Variants in PRDM15 observed in about 807,000 individuals in gnomAD.
The protein encoded by PRDM15 is PR/SET domain 15.
A neutral mutation model predicts 128.6 loss-of-function variants in PRDM15; 64 were observed. That is an observed-to-expected ratio of 0.50 (90% confidence interval 0.41 to 0.61). The LOEUF is 0.61. Ranked by LOEUF, PRDM15 falls within the 20% of genes least tolerant of loss-of-function variation. The pLI, the probability that PRDM15 is intolerant of heterozygous loss-of-function variation, is 0.00. For synonymous variants in PRDM15, 615 were observed against 621.8 expected (o/e 0.99, Z 0.16); for missense variants, 1,242 against 1,569.1 (o/e 0.79, Z 3.52).
intron 23 of PRDM15, 81 bp downstream of exon 23, chr21:41,802,631 G>A: frequency 1.8e-6 from 2 of 1,135,814 alleles, no homozygotes; most frequent in Non-Finnish European, 2.7e-6. Flanking sequence ...AGTAAAAAGA[G>A]ATGGAGTCAC....
chr21:41,834,730 C>T (rs976633871), intron 11 of PRDM15, among the ~76,000 whole-genome samples: 4 of 152,314 alleles, frequency 2.6e-5, no homozygotes, highest in East Asian at 1.9e-4. Context: ...GGGGCGTCCT[C>T]GGGCCACGTG....
chr21:41,865,890 A>C (rs1225132301), intron 1 of PRDM15, among the ~76,000 whole-genome samples: 1 of 152,088 alleles, frequency 6.6e-6, no homozygotes, highest in Non-Finnish European at 1.5e-5. Context: ...GACTACAGGC[A>C]CGCACCACCA....
chr21:41,852,422 C>T (rs766496089), intron 5 of PRDM15, among the ~76,000 whole-genome samples: 4 of 152,214 alleles, frequency 2.6e-5, no homozygotes, highest in African/African-American at 9.6e-5. Context: ...AGCCCAGCCT[C>T]GCAGGACTTG....
Position 41,828,337 on chromosome 21 carries a change from T to C in PRDM15, c.1367-4A>G. 6.2e-7 allele frequency: 1 copy of C among 1,613,712 alleles called. No homozygotes were observed. Among genetic ancestry groups the C allele is most frequent in the South Asian group, 1.1e-5 (1 of 91,076 alleles). On this transcript the variant is annotated splice_polypyrimidine_tract_variant and splice_region_variant and intron_variant, in intron 11 of 23. Coordinates refer to ENST00000398548, the MANE Select transcript of PRDM15 (RefSeq NM_001040424.3). This position sits in a 1 kb window ranked among gnomAD's most constrained non-coding sequence, Gnocchi z 5.7. Reference sequence around the variant, plus strand: ...TCACATTGGAACGTCTTGTCATCTGTCCAGAGAGCAAACAAACACACAACG... The same window carrying C: ...TCACATTGGAACGTCTTGTCATCTGCCCAGAGAGCAAACAAACACACAACG...
intron 4 of PRDM15, among the ~76,000 whole-genome samples, chr21:41,855,626 G>A (rs1463391024): frequency 6.6e-6 from 1 of 152,162 alleles, no homozygotes; most frequent in African/African-American, 2.4e-5. Context: ...CGCTCTCTCT[G>A]GTGGGCACAG....
At chr21:41,820,563 GAA>G (rs1446616579) in intron 16 of PRDM15, among the ~76,000 whole-genome samples, 1 of 152,236 alleles carries the variant, frequency 6.6e-6, no homozygotes, top group East Asian at 1.9e-4. Flanking sequence ...GCCAAGGAGA[GAA>G]GTGTCAGAGG....
intron 8 of PRDM15, chr21:41,836,988 T>A: frequency 5.7e-6 from 1 of 174,698 alleles, no homozygotes; most frequent in Non-Finnish European, 1.2e-5. Flanking sequence ...TCTTCTCTGT[T>A]TTACATATTA....
rs561755428 is a variant in PRDM15 at position 41,868,031 on chromosome 21, T to C, written c.-9-7659A>G. ...GAGATCCACTGCAGCCTGGGCAACA[T>C]TGTCTCAAAAAAAAAAAAAAAAAGA... is the stretch of plus-strand genomic sequence containing the variant. On this transcript the variant is annotated intron_variant, in intron 1 of 23. Transcript: ENST00000398548. Among the ~76,000 whole-genome samples, 291 of 114,160 alleles carry C rather than the reference T, an allele frequency of 2.5e-3. 4 individuals are homozygous for C. The highest frequency in any genetic ancestry group is 9.2e-3 in the African/African-American group (265 of 28,836). The allele number at this position is 114,160 out of a possible 152,430, so 74.9% of individuals were successfully genotyped here. A position where few individuals can be genotyped will look rare whatever the true frequency, so the allele number is the denominator to read the frequency against.
Position 41,834,618 on chromosome 21 carries a change from G to C in PRDM15, c.1366+819C>G, listed in dbSNP as rs925388341. ...GTGACTCACCCCTCTGTGCCCCGCT[G>C]GGGACCCCCACTGCTTGGGCCTCCA... On this transcript the variant is annotated intron_variant, in intron 11 of 23. Transcript: ENST00000398548. 6.2e-5 allele frequency: 90 copies of C among 1,448,396 alleles called. 1 individual carries two copies. The highest frequency in any genetic ancestry group is 2.6e-4 in the Admixed American group (13 of 50,618). The allele number at this position is 1,448,396 out of a possible 1,614,324, so 89.7% of individuals were successfully genotyped here.
intron 21 of PRDM15, among the ~76,000 whole-genome samples, chr21:41,806,387 A>AC (rs2061627367): frequency 5.4e-5 from 5 of 92,104 alleles, no homozygotes; most frequent in African/African-American, 2.1e-4. Context: ...CATCACCACC[A>AC]CCACCATCAC....
rs188326927 is a variant in PRDM15 at position 41,840,670 on chromosome 21, C to T, written c.641-817G>A. Among the ~76,000 whole-genome samples the T allele has an allele frequency of 4.6e-5, 7 of 151,752 alleles. No homozygotes were observed. In the East Asian group the frequency reaches 7.7e-4, roughly 17 times the overall value. On this transcript the variant is annotated intron_variant, in intron 6 of 23. Coordinates refer to ENST00000398548, the MANE Select transcript of PRDM15 (RefSeq NM_001040424.3). ...AAAATTAAGCAATAAGCCATCAGGG[C>T]GTCAGCAGACACATACACACAAACT...
Position 41,835,426 on chromosome 21 carries a change from G to T in PRDM15, c.1366+11C>A. 1.2e-6 allele frequency: 2 copies of T among 1,602,034 alleles called. No homozygotes were observed. The highest frequency in any genetic ancestry group is 8.5e-7 in the Non-Finnish European group (1 of 1,175,626). On this transcript the variant is annotated intron_variant, in intron 11 of 23. Transcript: ENST00000398548. ...ACAGCGGCCGAGGGGAGACGTGACC[G>T]GCGCCCTCACCTGTCCTGCAGTTGT... is the stretch of plus-strand genomic sequence containing the variant.
intron 1 of PRDM15, among the ~76,000 whole-genome samples, chr21:41,873,132 C>T (rs1468539725): frequency 1.3e-5 from 2 of 152,238 alleles, no homozygotes; most frequent in East Asian, 3.8e-4. Flanking sequence ...ACAGCAGCTG[C>T]ATCCTGGGCC....
At chr21:41,835,984 T>TCTCCTCCCTC (rs2062873111) in intron 10 of PRDM15, 129 bp downstream of exon 10, 1 of 143,920 alleles carries the variant, frequency 6.9e-6, no homozygotes, top group African/African-American at 8.5e-5. Flanking sequence ...CTCTCCTCCC[T>TCTCCTCCCTC]CCCCCACAGC....
intron 8 of PRDM15, chr21:41,837,031 G>A (rs1015038515): frequency 6.4e-6 from 1 of 157,126 alleles, no homozygotes; most frequent in African/African-American, 2.4e-5. Flanking sequence ...TCTTTTCCCT[G>A]TTAAATGTAT....
chr21:41,810,677 A>C lies in PRDM15; in HGVS notation c.2476+76T>G. The C allele has an allele frequency of 8.7e-7, 1 of 1,154,536 alleles. No homozygotes were observed. The highest frequency in any genetic ancestry group is 1.2e-5 in the South Asian group (1 of 81,882). The allele number at this position is 1,154,536 out of a possible 1,614,324, so 71.5% of individuals were successfully genotyped here. ...TCTAGATAATAGAATAGTCGTTTCC[A>C]CCCCAGCAGGCACTCAGACAGCCCC... On this transcript the variant is annotated intron_variant, in intron 20 of 23. Transcript: ENST00000398548. This position sits in a 1 kb window ranked among gnomAD's most constrained non-coding sequence, Gnocchi z 6.4.
In PRDM15 at chr21:41,801,192, C is replaced by T; in HGVS notation, c.*48G>A. ...ATCCAGCAAACACATCTAAACAAAT[C>T]CCAAACATCCCTCTGCAGTTCTTGC... On this transcript the variant is annotated 3_prime_UTR_variant, in exon 24 of 24. Transcript: ENST00000398548. 7 of 1,499,420 alleles carry T rather than the reference C, an allele frequency of 4.7e-6. No individual in the cohort carries two copies. Among genetic ancestry groups the T allele is most frequent in the Non-Finnish European group, 6.2e-6 (7 of 1,130,998 alleles). 92.9% of individuals were successfully genotyped at this position (1,499,420 alleles called of 1,614,324 possible).
chr21:41,860,262 C>T (rs1260267728), intron 2 of PRDM15, 65 bp downstream of exon 2: 21 of 1,291,140 alleles, frequency 1.6e-5, no homozygotes, highest in East Asian at 9.3e-5. Flanking sequence ...GCAAGCGCCA[C>T]GCCCATCTGT....
rs1032595754 is a variant in PRDM15 at position 41,828,890 on chromosome 21, C to A, written c.1367-557G>T. Among the ~76,000 whole-genome samples, 1 of 152,000 alleles carries A rather than the reference C, an allele frequency of 6.6e-6. No homozygotes were observed. The highest frequency in any genetic ancestry group is 6.6e-5 in the Admixed American group (1 of 15,264). On this transcript the variant is annotated intron_variant, in intron 11 of 23. Coordinates refer to ENST00000398548, the MANE Select transcript of PRDM15 (RefSeq NM_001040424.3). The surrounding 1 kb of genome is among the most constrained non-coding windows in gnomAD (Gnocchi z 5.7). ...ACCCAAATCCTCCTCAGCACACACA[C>A]AATCACACACCACACAAATACAAAC...
Sources: allele counts gnomAD v4.1 joint callset (sites outside exome capture counted in the v4.1 genomes callset), GRCh38; gene constraint gnomAD v4.1.1; non-coding constraint Gnocchi (gnomAD v3.1); transcripts MANE v1.5; gene names NCBI Gene and HGNC (gene_info 2026-07-23, HGNC 2026-07-21).